The following UNC5C variants were observed in gnomAD, a reference collection of about 807,000 sequenced individuals.
UNC5C encodes netrin receptor UNC5C.
Under a neutral mutation model 99.8 loss-of-function variants are expected in UNC5C, and 47 were observed. The ratio of observed to expected loss-of-function variants is 0.47; its 90% CI spans 0.37 to 0.60. The LOEUF (loss-of-function observed/expected upper bound fraction) is 0.60. Among genes scored for constraint, UNC5C ranks in the 20% least tolerant of loss-of-function variants. The pLI is 0.00. For missense variants in UNC5C, 1,062 were observed against 1,165.9 expected (o/e 0.91, Z 1.30); for synonymous variants, 487 against 452.2 (o/e 1.08, Z -0.98).
At chr4:95,409,184 G>A (rs1277781959) in intron 1 of UNC5C, among the ~76,000 whole-genome samples, 1 of 152,110 alleles carries the variant, frequency 6.6e-6, no homozygotes, top group African/African-American at 2.4e-5. Context: ...TCATTAGGAG[G>A]TTAAATAACA....
At chr4:95,188,966 A>C (rs1166060310) in intron 12 of UNC5C, among the ~76,000 whole-genome samples, 1 of 152,212 alleles carries the variant, frequency 6.6e-6, no homozygotes, top group Non-Finnish European at 1.5e-5. Flanking sequence ...GCTGCTCTTG[A>C]ATCACAAAGG....
At chr4:95,392,403 AT>A (rs1355129759) in intron 1 of UNC5C, among the ~76,000 whole-genome samples, 1 of 150,608 alleles carries the variant, frequency 6.6e-6, no homozygotes. Context: ...TAACAAAGGA[AT>A]TTTTAAGAGT....
At chr4:95,274,255 T>C (rs1274012692) in intron 4 of UNC5C, among the ~76,000 whole-genome samples, 2 of 152,106 alleles carry the variant, frequency 1.3e-5, no homozygotes, top group African/African-American at 4.8e-5. Context: ...TATCTGTTGC[T>C]AAATTACTGA....
intron 1 of UNC5C, among the ~76,000 whole-genome samples, chr4:95,404,782 C>G (rs1365564349): frequency 6.6e-6 from 1 of 152,180 alleles, no homozygotes; most frequent in Admixed American, 6.5e-5. Context: ...CTCTATCCTG[C>G]ACCCATATAA....
chr4:95,516,486 T>G (rs1389545952), intron 1 of UNC5C, among the ~76,000 whole-genome samples: 1 of 152,192 alleles, frequency 6.6e-6, no homozygotes, highest in Admixed American at 6.5e-5. Flanking sequence ...CTGGGCTGAC[T>G]TTTCAGATTA....
chr4:95,212,599 C>G (rs1474199883), intron 10 of UNC5C, among the ~76,000 whole-genome samples: 2 of 152,152 alleles, frequency 1.3e-5, no homozygotes, highest in Non-Finnish European at 2.9e-5. Context: ...TTCCCCAGTT[C>G]TTTCTGCTTC....
At chr4:95,518,475 T>G (rs1722271454) in intron 1 of UNC5C, among the ~76,000 whole-genome samples, 1 of 152,076 alleles carries the variant, frequency 6.6e-6, no homozygotes, top group African/African-American at 2.4e-5. Context: ...AGTCAAAATA[T>G]TTTTTAAATT....
intron 2 of UNC5C, among the ~76,000 whole-genome samples, chr4:95,305,963 C>G (rs889018069): frequency 2.6e-5 from 4 of 152,048 alleles, no homozygotes; most frequent in Non-Finnish European, 5.9e-5. Context: ...TGGTAAGGCA[C>G]CACAAATACT....
intron 2 of UNC5C, among the ~76,000 whole-genome samples, chr4:95,312,884 G>A (rs1461800723): frequency 6.6e-6 from 1 of 152,138 alleles, no homozygotes; most frequent in African/African-American, 2.4e-5. Flanking sequence ...TACAGTCAAC[G>A]TAGCCACAGA....
intron 1 of UNC5C, among the ~76,000 whole-genome samples, chr4:95,522,961 A>G (rs945795494): frequency 1.7e-4 from 15 of 86,034 alleles, no homozygotes; most frequent in African/African-American, 4.2e-4. Flanking sequence ...TTTCTAGAAA[A>G]TTACAGTGTG....
rs143026921 is a variant in UNC5C, at chr4:95,435,303, T to C, written c.125-99672A>G. On this transcript the variant is annotated intron_variant, in intron 1 of 15. Coordinates refer to ENST00000453304, the MANE Select transcript of UNC5C (RefSeq NM_003728.4). ...AATGGTACACAGAAAAATCAAAATG[T>C]TGTCATTTAATTATGTTTATGTTAG... is the stretch of plus-strand genomic sequence containing the variant. Among the ~76,000 whole-genome samples the C allele has an allele frequency of 7.3e-3, 861 of 118,128 alleles. 11 individuals are homozygous for C. Among genetic ancestry groups the C allele is most frequent in the Middle Eastern group, 0.055 (12 of 218 alleles). 77.5% of individuals were successfully genotyped at this position (118,128 alleles called of 152,430 possible).
chr4:95,286,679 T>C (rs1741244673), intron 3 of UNC5C, among the ~76,000 whole-genome samples: 1 of 152,160 alleles, frequency 6.6e-6, no homozygotes, highest in Non-Finnish European at 1.5e-5. Context: ...TCTTGAAACA[T>C]GACACCTACC....
At chr4:95,286,973 A>G (rs1301657186) in intron 3 of UNC5C, among the ~76,000 whole-genome samples, 2 of 152,200 alleles carry the variant, frequency 1.3e-5, no homozygotes, top group Non-Finnish European at 2.9e-5. Context: ...GGGATGCCAT[A>G]TTGCACCTGT....
chr4:95,275,029 C>CAAAACAAAACAAAAT (rs1403403546), intron 4 of UNC5C, among the ~76,000 whole-genome samples: 2 of 151,908 alleles, frequency 1.3e-5, no homozygotes, highest in Admixed American at 6.6e-5. Flanking sequence ...CCGTGTCAAA[C>CAAAACAAAACAAAAT]AAAACAAAAC....
At chr4:95,192,184 C>T (rs1737149917) in intron 12 of UNC5C, among the ~76,000 whole-genome samples, 1 of 145,064 alleles carries the variant, frequency 6.9e-6, no homozygotes, top group African/African-American at 2.6e-5. Context: ...CACCTCCTCC[C>T]TTTCTCATAT....
chr4:95,432,050 CT>C, intron 1 of UNC5C, among the ~76,000 whole-genome samples: 2 of 152,184 alleles, frequency 1.3e-5, no homozygotes, highest in South Asian at 4.1e-4. Context: ...GGTTATGACG[CT>C]TTGGAGACAT....
intron 1 of UNC5C, among the ~76,000 whole-genome samples, chr4:95,394,183 A>G (rs537864363): frequency 6.6e-6 from 1 of 152,172 alleles, no homozygotes; most frequent in South Asian, 2.1e-4. Context: ...AAGTTAGCTC[A>G]GCTTGACTTC....
At chr4:95,321,737 T>C (rs1344485630) in intron 2 of UNC5C, among the ~76,000 whole-genome samples, 1 of 152,220 alleles carries the variant, frequency 6.6e-6, no homozygotes, top group African/African-American at 2.4e-5. Flanking sequence ...TAGAATATGA[T>C]TGCAAAGTAA....
intron 1 of UNC5C, among the ~76,000 whole-genome samples, chr4:95,356,226 A>AAAAAAAAAAAAAC (rs1371053400): frequency 1.2e-4 from 18 of 144,806 alleles, no homozygotes; most frequent in Non-Finnish European, 2.1e-4. Flanking sequence ...AACAAAAAAA[A>AAAAAAAAAAAAAC]AACAGATTCC....
Sources: gnomAD v4.1 joint callset for allele counts (sites outside exome capture counted in the v4.1 genomes callset) on GRCh38, gnomAD v4.1.1 for gene constraint, MANE v1.5 for transcripts, NCBI Gene and HGNC (gene_info 2026-07-23, HGNC 2026-07-21) for gene names.